The following TMEM200A variants were observed in gnomAD, a reference collection of about 807,000 sequenced individuals.
The protein encoded by TMEM200A is transmembrane protein 200A.
TMEM200A carries 12 observed loss-of-function variants against 24.3 expected under a neutral mutation model. The observed-to-expected ratio is 0.49, with a 90% CI of 0.32 to 0.80. The LOEUF (loss-of-function observed/expected upper bound fraction) is 0.80. TMEM200A is among the 30% of genes least tolerant of loss of function. The pLI is 0.04. For missense variants in TMEM200A, 545 were observed against 614.4 expected (o/e 0.89, Z 1.19); for synonymous variants, 224 against 224.4 (o/e 1.00, Z 0.02).
intron 2 of TMEM200A, among the ~76,000 whole-genome samples, chr6:130,401,649 T>G (rs1298886516): frequency 1.3e-5 from 2 of 152,026 alleles, no homozygotes; most frequent in Admixed American, 1.3e-4. Context: ...TCTATGGTTA[T>G]ATGCATTTTT....
chr6:130,431,376 T>C (rs541935325), intron 2 of TMEM200A, among the ~76,000 whole-genome samples: 1 of 152,304 alleles, frequency 6.6e-6, no homozygotes, highest in East Asian at 1.9e-4. Flanking sequence ...CTTCAGTTCT[T>C]CATCCAGGAA....
chr6:130,424,681 A>G (rs936347034), intron 2 of TMEM200A, among the ~76,000 whole-genome samples: 13 of 152,140 alleles, frequency 8.5e-5, no homozygotes, highest in African/African-American at 3.1e-4. Flanking sequence ...TCCCCACATT[A>G]TGGGAAGAAA....
At chr6:130,390,643 A>G (rs1184433438) in intron 2 of TMEM200A, among the ~76,000 whole-genome samples, 1 of 152,242 alleles carries the variant, frequency 6.6e-6, no homozygotes, top group East Asian at 1.9e-4. Context: ...GTTGCATATA[A>G]TAGTATTTCT....
intron 2 of TMEM200A, among the ~76,000 whole-genome samples, chr6:130,403,072 C>G (rs1259250661): frequency 6.6e-6 from 1 of 152,042 alleles, no homozygotes; most frequent in African/African-American, 2.4e-5. Flanking sequence ...CTGCTTCTTT[C>G]TTTATATCTC....
intron 2 of TMEM200A, among the ~76,000 whole-genome samples, chr6:130,392,924 G>T (rs1292937190): frequency 1.3e-5 from 2 of 152,172 alleles, no homozygotes; most frequent in African/African-American, 2.4e-5. Flanking sequence ...ATTTATTTTG[G>T]TTTTTACAGT....
In TMEM200A at chr6:130,366,275, C is replaced by T. The variant is rs1778142310; in HGVS notation, c.-330C>T. The T allele has an allele frequency of 3.0e-6, 3 of 985,276 alleles. No homozygotes were observed. Among genetic ancestry groups the T allele is most frequent in the Non-Finnish European group, 3.6e-6 (3 of 829,954 alleles). 61.0% of individuals were successfully genotyped at this position (985,276 alleles called of 1,614,324 possible). On this transcript the variant is annotated 5_prime_UTR_variant, in exon 1 of 3. Coordinates refer to ENST00000296978, the MANE Select transcript of TMEM200A (RefSeq NM_001258277.2). The surrounding 1 kb of genome is among the most constrained non-coding windows in gnomAD (Gnocchi z 4.4). ...CGGGCATAGGGGCGCCCCCACCCTC[C>T]GTCCGCTTGCACCCCTTGCCACCCG... is the stretch of plus-strand genomic sequence containing the variant.
chr6:130,424,349 A>G (rs1485437548), intron 2 of TMEM200A, among the ~76,000 whole-genome samples: 1 of 152,148 alleles, frequency 6.6e-6, no homozygotes, highest in Non-Finnish European at 1.5e-5. Flanking sequence ...AAATACAATA[A>G]TATATATTGA....
chr6:130,404,957 C>G (rs1779172743), intron 2 of TMEM200A, among the ~76,000 whole-genome samples: 3 of 152,080 alleles, frequency 2.0e-5, no homozygotes, highest in Admixed American at 1.3e-4. Flanking sequence ...TGTCAAAGAT[C>G]AAATAGTTAT....
At chr6:130,421,990 G>T (rs1779602925) in intron 2 of TMEM200A, among the ~76,000 whole-genome samples, 2 of 151,926 alleles carry the variant, frequency 1.3e-5, no homozygotes, top group Admixed American at 1.3e-4. Context: ...ATATATCTTG[G>T]CTATTGTGAA....
chr6:130,414,003 T>C (rs1779390942), intron 2 of TMEM200A, among the ~76,000 whole-genome samples: 2 of 152,214 alleles, frequency 1.3e-5, no homozygotes, highest in Admixed American at 6.5e-5. Flanking sequence ...ATTATTTATT[T>C]TTTACTTGAA....
intron 2 of TMEM200A, among the ~76,000 whole-genome samples, chr6:130,400,915 GACAA>G (rs142712903): frequency 2.5e-3 from 376 of 152,084 alleles, no homozygotes; most frequent in African/African-American, 8.4e-3. Flanking sequence ...TACAGAAGCA[GACAA>G]ACAAATAAAT....
chr6:130,436,630 C>T (rs199497961), intron 2 of TMEM200A, among the ~76,000 whole-genome samples: 23 of 66,682 alleles, frequency 3.4e-4, no homozygotes, highest in Non-Finnish European at 5.9e-4. Flanking sequence ...TTTTCTTTAT[C>T]CTTTTTTTTT....
In TMEM200A at chr6:130,420,813, C is replaced by T. The variant is rs552765779; in HGVS notation, c.-16-19594C>T. Among the ~76,000 whole-genome samples the T allele has an allele frequency of 9.7e-4, 147 of 152,208 alleles. 1 individual carries two copies. The highest frequency in any genetic ancestry group is 3.2e-3 in the African/African-American group (132 of 41,528). ...GGGAGAGCACAAGGGGACGTTTTCT[C>T]AGTGCAGGGCCCGCTGAAATCCCAC... On this transcript the variant is annotated intron_variant, in intron 2 of 2. Coordinates refer to ENST00000296978, the MANE Select transcript of TMEM200A (RefSeq NM_001258277.2).
intron 2 of TMEM200A, among the ~76,000 whole-genome samples, chr6:130,422,412 A>C (rs1450712294): frequency 6.6e-6 from 1 of 151,916 alleles, no homozygotes; most frequent in African/African-American, 2.4e-5. Context: ...GGGACTAAAA[A>C]TGCATGCCAC....
In TMEM200A at chr6:130,436,630, CCTTT is replaced by C. The variant is rs1206522272; in HGVS notation, c.-16-3776_-16-3773del. Among the ~76,000 whole-genome samples, 180 of 66,758 alleles carry C rather than the reference CCTTT, an allele frequency of 2.7e-3. 29 individuals carry two copies. The highest frequency in any genetic ancestry group is 5.9e-3 in the African/African-American group (155 of 26,334). 43.8% of individuals were successfully genotyped at this position (66,758 alleles called of 152,430 possible). On this transcript the variant is annotated intron_variant, in intron 2 of 2. Transcript: ENST00000296978. The stretch of plus-strand genomic sequence containing the variant: ...TTCACTAGGCTTCGTTTTTCTTTAT[CCTTT>C]TTTTTTTTTTTTTTTTTTTTTTTTT...
At chr6:130,429,338 A>G (rs548224283) in intron 2 of TMEM200A, among the ~76,000 whole-genome samples, 1 of 152,274 alleles carries the variant, frequency 6.6e-6, no homozygotes, top group African/African-American at 2.4e-5. Context: ...CCTGGCCAAC[A>G]TGGTGAAACC....
Position 130,441,449 on chromosome 6 carries a change from A to G in TMEM200A, c.1027A>G (p.Thr343Ala). ...NTSESFQPVS[T>A]VLPRNNSIGE... ...CAGTGAATCCTTCCAGCCCGTCAGC[A>G]CAGTGCTACCAAGGAATAATTCCAT... Residue 343 changes from threonine to alanine, a missense_variant, in exon 3 of 3, where the codon ACA becomes GCA. Thr to Ala is a moderately conservative substitution (Grantham distance 58, BLOSUM62 0). Transcript: ENST00000296978. The G allele has an allele frequency of 1.2e-6, 2 of 1,614,090 alleles. No individual in the cohort carries two copies. Among genetic ancestry groups the G allele is most frequent in the Non-Finnish European group, 1.7e-6 (2 of 1,179,974 alleles).
chr6:130,380,638 A>G (rs1466661458), intron 1 of TMEM200A, among the ~76,000 whole-genome samples: 4 of 152,324 alleles, frequency 2.6e-5, no homozygotes, highest in Admixed American at 2.0e-4. Context: ...CTGAGGGAAC[A>G]TCACATCCTT....
intron 1 of TMEM200A, among the ~76,000 whole-genome samples, chr6:130,367,289 T>A (rs1437245377): frequency 6.6e-6 from 1 of 152,252 alleles, no homozygotes; most frequent in African/African-American, 2.4e-5. Flanking sequence ...AAACTAAATA[T>A]GTTGGACTAA....
Sources: allele counts gnomAD v4.1 joint callset (sites outside exome capture counted in the v4.1 genomes callset), GRCh38; gene constraint gnomAD v4.1.1; non-coding constraint Gnocchi (gnomAD v3.1); transcripts MANE v1.5; gene names NCBI Gene and HGNC (gene_info 2026-07-23, HGNC 2026-07-21).